Variants in ALDH3A2 observed in about 807,000 individuals in gnomAD.
ALDH3A2 encodes the protein aldehyde dehydrogenase 3 family member A2.
ALDH3A2 carries 36 observed loss-of-function variants against 51.3 expected under a neutral mutation model. That is an observed-to-expected ratio of 0.70 (90% CI 0.54 to 0.93). ALDH3A2 has a LOEUF of 0.93. Among genes scored for constraint, ALDH3A2 ranks in the 40% least tolerant of loss-of-function variants. The pLI is 0.00. For missense variants in ALDH3A2, 552 were observed against 603.1 expected (o/e 0.92, Z 0.89); for synonymous variants, 199 against 219.8 (o/e 0.91, Z 0.84).
At chr17:19,672,210 C>G (rs1374201436) in intron 9 of ALDH3A2, 13 of 551,410 alleles carry the variant, frequency 2.4e-5, no homozygotes. Flanking sequence ...CTGAATGGCC[C>G]TCAGAGCCTA....
chr17:19,660,717 T>G (rs981188463), intron 5 of ALDH3A2, among the ~76,000 whole-genome samples: 3 of 152,110 alleles, frequency 2.0e-5, no homozygotes, highest in Non-Finnish European at 4.4e-5. Flanking sequence ...GATGTTAGGG[T>G]CTCTGCTGTA....
rs779367783 is a variant in ALDH3A2 at position 19,665,031 on chromosome 17, C to A, written c.1191C>A (p.Phe397Leu). The change falls in exon 8 of 10, where the codon TTC (phenylalanine) becomes TTA (leucine). Residue 397 changes from phenylalanine to leucine, a missense_variant. Coordinates refer to ENST00000176643, the MANE Select transcript of ALDH3A2 (RefSeq NM_000382.3). ...DVIMHFTLNS[F>L]PFGGVGSSGM... ...TTATGCACTTCACGCTCAACTCTTT[C>A]CCATTTGGAGGAGTGGGTGAGTCTT... is the stretch of plus-strand genomic sequence containing the variant. 1 of 1,613,860 alleles carries A rather than the reference C, an allele frequency of 6.2e-7. No homozygotes were observed. Among genetic ancestry groups the A allele is most frequent in the South Asian group, 1.1e-5 (1 of 91,064 alleles).
intron 7 of ALDH3A2, among the ~76,000 whole-genome samples, chr17:19,663,928 T>C (rs1427630145): frequency 6.6e-6 from 1 of 152,192 alleles, no homozygotes; most frequent in Non-Finnish European, 1.5e-5. Flanking sequence ...TGTGATATGA[T>C]GGATTTTAGT....
rs1244845405 is a variant in ALDH3A2, at chr17:19,654,953, C to T, written c.472-1413C>T. ...ATGCCACACATACACAAAAAGTGCC[C>T]TCCTGAACTAGAGGGCAGATCCTCA... is the stretch of plus-strand genomic sequence containing the variant. On this transcript the variant is annotated intron_variant, in intron 3 of 9. Transcript: ENST00000176643. The surrounding 1 kb of genome is among the most constrained non-coding windows in gnomAD (Gnocchi z 4.5). 6.6e-6 allele frequency among the ~76,000 whole-genome samples: 1 copy of T among 152,182 alleles called. No individual in the cohort carries two copies.
chr17:19,650,817 A>AT (rs1422296665), intron 1 of ALDH3A2, among the ~76,000 whole-genome samples: 1 of 152,000 alleles, frequency 6.6e-6, no homozygotes, highest in Admixed American at 6.6e-5. Context: ...TGGGTTTGTG[A>AT]TTTTTCCCTT....
rs1394083266 is a variant in ALDH3A2 at position 19,677,158 on chromosome 17, C to T, written c.*1586C>T. The T allele has an allele frequency of 6.6e-6, 1 of 152,210 alleles. No homozygotes were observed. Among genetic ancestry groups the T allele is most frequent in the Non-Finnish European group, 1.5e-5 (1 of 68,040 alleles). The allele number at this position is 152,210 out of a possible 1,614,324, so 9.4% of individuals were successfully genotyped here. ...TTCTATGCCTTGGAGCTCCTGACTG[C>T]AGGGACTCTGTCCCCACACTCAAAA... is the stretch of plus-strand genomic sequence containing the variant. On this transcript the variant is annotated 3_prime_UTR_variant, in exon 10 of 10. Transcript: ENST00000176643.
At chr17:19,671,656 T>C (rs1442120446) in intron 8 of ALDH3A2, 65 bp from the exon 9 acceptor site, 8 of 1,410,758 alleles carry the variant, frequency 5.7e-6, no homozygotes, top group Non-Finnish European at 1.0e-6. Context: ...TCCCGGTCGT[T>C]GTTAGACAGA....
intron 3 of ALDH3A2, chr17:19,652,838 A>G (rs2084835322): frequency 1.7e-6 from 1 of 588,622 alleles, no homozygotes. Context: ...GGGTTACACA[A>G]TATATGTAGG....
chr17:19,655,526 A>T (rs1173976560), intron 3 of ALDH3A2: 1 of 152,482 alleles, frequency 6.6e-6, no homozygotes, highest in Non-Finnish European at 1.5e-5. Context: ...AGCCATAGAA[A>T]AGTTAAAGCT....
At chr17:19,672,123 A>G (rs1256232548) in intron 9 of ALDH3A2, among the ~76,000 whole-genome samples, 167 bp downstream of exon 9, 1 of 152,194 alleles carries the variant, frequency 6.6e-6, no homozygotes, top group Non-Finnish European at 1.5e-5. Flanking sequence ...TTATTGGAAC[A>G]CAGCCACACC....
At chr17:19,669,462 G>A (rs1362130554) in intron 8 of ALDH3A2, among the ~76,000 whole-genome samples, 3 of 151,876 alleles carry the variant, frequency 2.0e-5, no homozygotes, top group African/African-American at 7.3e-5. Flanking sequence ...ATAAAAACAC[G>A]TTTGGGTCAT....
intron 8 of ALDH3A2, among the ~76,000 whole-genome samples, chr17:19,666,806 TAAATAAATAAAA>T (rs1282987214): frequency 8.8e-5 from 13 of 147,944 alleles, no homozygotes; most frequent in Non-Finnish European, 1.9e-4. Context: ...AATAAATAAA[TAAATAAATAAAA>T]ATAATAAAAT....
In ALDH3A2 at chr17:19,676,036, C is replaced by T. The variant is rs1236150711; in HGVS notation, c.*464C>T. 1 of 172,880 alleles carries T rather than the reference C, an allele frequency of 5.8e-6. No homozygotes were observed. Among genetic ancestry groups the T allele is most frequent in the Admixed American group, 5.6e-5 (1 of 17,828 alleles). The allele number at this position is 172,880 out of a possible 1,614,324, so 10.7% of individuals were successfully genotyped here. On this transcript the variant is annotated 3_prime_UTR_variant, in exon 10 of 10. Transcript: ENST00000176643. The stretch of plus-strand genomic sequence containing the variant: ...GAGGTGAGATTAGATCTTCTTGGTT[C>T]CCTGTGAGGTTTCAGGCACTAAAAC...
At chr17:19,648,689 G>T (rs930719276), upstream of ALDH3A2, 6 of 505,450 alleles carry the variant, frequency 1.2e-5, no homozygotes, top group African/African-American at 9.8e-5. Context: ...GGGCGAGGCC[G>T]TGAACAGCGG....
chr17:19,653,616 G>GA (rs1597552095), intron 3 of ALDH3A2, among the ~76,000 whole-genome samples: 1 of 152,236 alleles, frequency 6.6e-6, no homozygotes, highest in East Asian at 1.9e-4. Context: ...TCCTCCCGGT[G>GA]GGTTCGTGGT....
At chr17:19,662,741 A>C (rs1477890829) in intron 6 of ALDH3A2, among the ~76,000 whole-genome samples, 1 of 152,234 alleles carries the variant, frequency 6.6e-6, no homozygotes, top group East Asian at 1.9e-4. Context: ...CGAGTTAAGA[A>C]AAATAGTATT....
At chr17:19,663,606 T>C (rs1050974612) in intron 7 of ALDH3A2, 107 bp downstream of exon 7, 1 of 1,343,718 alleles carries the variant, frequency 7.4e-7, no homozygotes, top group South Asian at 1.3e-5. Context: ...TGATGGTTTC[T>C]TTTGTGTCAT....
At position 19,658,795 on chromosome 17, in the gene ALDH3A2, G is replaced by A. The variant is rs77557595; in HGVS notation, c.798+933G>A. Reference sequence around the variant, plus strand: ...AATGGGATGACCAAATGACCAGTGTGACTGAGTTCAGCAGTGGGTGAGGAT... The same window carrying A: ...AATGGGATGACCAAATGACCAGTGTAACTGAGTTCAGCAGTGGGTGAGGAT... On this transcript the variant is annotated intron_variant, in intron 5 of 9. Transcript: ENST00000176643. Among the ~76,000 whole-genome samples the A allele has an allele frequency of 5.3e-5, 8 of 151,408 alleles. No homozygotes were observed. In the East Asian group the frequency reaches 1.6e-3, roughly 30 times the overall value.
At chr17:19,672,054 C>CT (rs2085124023) in intron 9 of ALDH3A2, 98 bp downstream of exon 9, 1 of 1,182,502 alleles carries the variant, frequency 8.5e-7, no homozygotes, top group South Asian at 1.2e-5. Context: ...CTTGTAGAGT[C>CT]TAAGACAGGG....
Sources: allele counts gnomAD v4.1 joint callset (sites outside exome capture counted in the v4.1 genomes callset), GRCh38; gene constraint gnomAD v4.1.1; non-coding constraint Gnocchi (gnomAD v3.1); transcripts MANE v1.5; gene names NCBI Gene and HGNC (gene_info 2026-07-23, HGNC 2026-07-21).